IQCH: variants seen among roughly 807,000 people sequenced by gnomAD.
IQCH encodes the protein IQ motif containing H.
IQCH carries 98 observed loss-of-function variants against 117.0 expected under a neutral mutation model. The observed-to-expected ratio is 0.84, with a 90% confidence interval of 0.71 to 0.99. IQCH has a LOEUF of 0.99. IQCH is among the 50% of genes least tolerant of loss of function. The pLI, the probability that IQCH is intolerant of heterozygous loss-of-function variation, is 0.00. For missense variants in IQCH, 1,102 were observed against 1,243.8 expected, an observed-to-expected ratio of 0.89 and a Z score of 1.72; for synonymous variants, 412 against 448.2, an observed-to-expected ratio of 0.92 and a Z score of 1.02.
At chr15:67,389,329 G>A (rs1244863178) in intron 12 of IQCH, among the ~76,000 whole-genome samples, 1 of 152,122 alleles carries the variant, frequency 6.6e-6, no homozygotes, top group Non-Finnish European at 1.5e-5. Context: ...GAGAAAGGCT[G>A]GGCCTGTCCA....
intron 4 of IQCH, among the ~76,000 whole-genome samples, chr15:67,327,528 T>C (rs1229933595): frequency 6.6e-6 from 1 of 152,218 alleles, no homozygotes; most frequent in African/African-American, 2.4e-5. Flanking sequence ...ACTTTTTCTT[T>C]TTACTGTGGA....
chr15:67,355,466 T>C (rs1969853005), intron 6 of IQCH, among the ~76,000 whole-genome samples: 1 of 152,016 alleles, frequency 6.6e-6, no homozygotes, highest in South Asian at 2.1e-4. Flanking sequence ...GGTGGGCACC[T>C]GTAGTCTCAG....
chr15:67,470,808 C>G (rs553198284), intron 17 of IQCH, among the ~76,000 whole-genome samples: 136 of 152,272 alleles, frequency 8.9e-4, no homozygotes, highest in African/African-American at 3.1e-3. Flanking sequence ...CAGTTCCCAC[C>G]TCATCCTACA....
intron 6 of IQCH, among the ~76,000 whole-genome samples, chr15:67,348,329 A>G (rs1969496826): frequency 6.8e-6 from 1 of 147,492 alleles, no homozygotes; most frequent in Non-Finnish European, 1.5e-5. Context: ...AAACAGCACA[A>G]TTACTGCATA....
chr15:67,259,079 A>G (rs538108039), intron 1 of IQCH, among the ~76,000 whole-genome samples: 3 of 152,348 alleles, frequency 2.0e-5, no homozygotes, highest in Admixed American at 6.5e-5. Context: ...CTTATAGTGT[A>G]AGGAGTTTCA....
intron 4 of IQCH, among the ~76,000 whole-genome samples, chr15:67,294,376 C>T (rs1442245673): frequency 2.6e-5 from 4 of 152,070 alleles, no homozygotes; most frequent in East Asian, 3.9e-4. Context: ...CTCAGGATGG[C>T]GTTATATCAT....
In IQCH at chr15:67,424,896, A is replaced by C. The variant is rs1017180474; in HGVS notation, c.2505+3319A>C. Among the ~76,000 whole-genome samples, 3 of 152,210 alleles carry C rather than the reference A, an allele frequency of 2.0e-5. No individual in the cohort carries two copies. The highest frequency in any genetic ancestry group is 4.4e-5 in the Non-Finnish European group (3 of 68,034). ...AATAAATTATTTACAAATCACTGGC[A>C]TATTTTCTAGCCATTTTGCAAGTGG... On this transcript the variant is annotated intron_variant, in intron 16 of 20. Coordinates refer to ENST00000335894, the MANE Select transcript of IQCH (RefSeq NM_001031715.3). This position sits in a 1 kb window ranked among gnomAD's most constrained non-coding sequence, Gnocchi z 4.9.
In IQCH at chr15:67,455,305, A is replaced by C. The variant is rs996967074; in HGVS notation, c.2506-9822A>C. Among the ~76,000 whole-genome samples the C allele has an allele frequency of 1.1e-4, 17 of 152,112 alleles. 1 individual carries two copies. Among genetic ancestry groups the C allele is most frequent in the African/African-American group, 3.9e-4 (16 of 41,396 alleles). ...TCTAGGAATTTCCCAAAAGTAAACAAACTTGCCTTGAATTTGAAATCAAGG... is the reference window on the plus strand; with the variant it reads ...TCTAGGAATTTCCCAAAAGTAAACACACTTGCCTTGAATTTGAAATCAAGG... On this transcript the variant is annotated intron_variant, in intron 16 of 20. Transcript: ENST00000335894.
chr15:67,268,735 T>G (rs1376599212), intron 3 of IQCH, among the ~76,000 whole-genome samples: 1 of 152,126 alleles, frequency 6.6e-6, no homozygotes, highest in Non-Finnish European at 1.5e-5. Flanking sequence ...TTCTGGGCTG[T>G]TCCAGTGCAG....
In IQCH at chr15:67,298,118, G is replaced by A. The variant is rs113039197; in HGVS notation, c.387+18606G>A. Among the ~76,000 whole-genome samples the A allele has an allele frequency of 3.8e-3, 572 of 152,170 alleles. 1 individual carries two copies. Among genetic ancestry groups the A allele is most frequent in the Non-Finnish European group, 6.3e-3 (425 of 67,980 alleles). On this transcript the variant is annotated intron_variant, in intron 4 of 20. Transcript: ENST00000335894. ...GAGGTCAGGAGTTCCAGACCAGCCT[G>A]GCTAATATGGTGAAACCCCGTCTCT...
At chr15:67,452,580 C>G (rs1288921045) in intron 16 of IQCH, among the ~76,000 whole-genome samples, 1 of 152,268 alleles carries the variant, frequency 6.6e-6, no homozygotes, top group African/African-American at 2.4e-5. Context: ...TGTAGAGTTT[C>G]TGCCGAGAGA....
chr15:67,255,774 C>A (rs573061976), intron 1 of IQCH, among the ~76,000 whole-genome samples: 29 of 152,292 alleles, frequency 1.9e-4, no homozygotes, highest in East Asian at 5.8e-4. Flanking sequence ...GAATTTTGAT[C>A]TCTTACCTCC....
At chr15:67,262,419 C>T (rs1965501214) in intron 2 of IQCH, among the ~76,000 whole-genome samples, 2 of 152,168 alleles carry the variant, frequency 1.3e-5, no homozygotes, top group Non-Finnish European at 2.9e-5. Flanking sequence ...TGCTTCATCT[C>T]TCAGCTCCCA....
At chr15:67,464,758 C>T (rs2082888473) in intron 16 of IQCH, among the ~76,000 whole-genome samples, 1 of 152,168 alleles carries the variant, frequency 6.6e-6, no homozygotes, top group Admixed American at 6.5e-5. Flanking sequence ...CTGTAGTTCC[C>T]CACCCTCCAA....
intron 4 of IQCH, among the ~76,000 whole-genome samples, chr15:67,281,164 G>A (rs1966340733): frequency 1.3e-5 from 2 of 152,006 alleles, no homozygotes; most frequent in Admixed American, 6.6e-5. Context: ...CTTTTTAAAT[G>A]TCTGTCTTCC....
chr15:67,450,891 C>T (rs2082507088), intron 16 of IQCH, among the ~76,000 whole-genome samples: 1 of 152,172 alleles, frequency 6.6e-6, no homozygotes. Context: ...ATTATTGCCT[C>T]AATTTCAGAG....
rs2083196053 is a variant in IQCH at position 67,476,092 on chromosome 15, T to G, written c.2799+274T>G. 6.6e-6 allele frequency among the ~76,000 whole-genome samples: 1 copy of G among 152,252 alleles called. No homozygotes were observed. Among genetic ancestry groups the G allele is most frequent in the African/African-American group, 2.4e-5 (1 of 41,472 alleles). ...AGCTCTCCAGACTTAGGAGGCATTTTGGGGACCACCTCATGATCCTGAAGC... is the reference window on the plus strand; with the variant it reads ...AGCTCTCCAGACTTAGGAGGCATTTGGGGGACCACCTCATGATCCTGAAGC... On this transcript the variant is annotated intron_variant, in intron 18 of 20. Coordinates refer to ENST00000335894, the MANE Select transcript of IQCH (RefSeq NM_001031715.3). This position sits in a 1 kb window ranked among gnomAD's most constrained non-coding sequence, Gnocchi z 4.1.
intron 8 of IQCH, among the ~76,000 whole-genome samples, chr15:67,368,310 A>G (rs953865287): frequency 6.6e-5 from 10 of 152,212 alleles, no homozygotes; most frequent in Admixed American, 6.5e-4. Context: ...ACCGCTGATT[A>G]GGTCAGCTAG....
intron 3 of IQCH, among the ~76,000 whole-genome samples, chr15:67,276,067 T>G (rs1966108866): frequency 6.6e-6 from 1 of 152,206 alleles, no homozygotes; most frequent in Non-Finnish European, 1.5e-5. Flanking sequence ...CACATCTATA[T>G]GTATGTTATA....
Sources: gnomAD v4.1 joint callset for allele counts (sites outside exome capture counted in the v4.1 genomes callset) on GRCh38, gnomAD v4.1.1 for gene constraint, Gnocchi (gnomAD v3.1) non-coding constraint, MANE v1.5 for transcripts, NCBI Gene and HGNC (gene_info 2026-07-23, HGNC 2026-07-21) for gene names.